The following ATG16L2 variants were observed in gnomAD, a reference collection of about 807,000 sequenced individuals.
ATG16L2 encodes autophagy related 16 like 2, also known as protein Atg16l2.
A neutral mutation model predicts 84.7 loss-of-function variants in ATG16L2; 77 were observed. The ratio of observed to expected loss-of-function variants is 0.91; its 90% CI spans 0.76 to 1.10. ATG16L2 has a LOEUF of 1.10. ATG16L2 is among the 50% of genes least tolerant of loss of function. ATG16L2 has a pLI of 0.00. For missense variants in ATG16L2, 782 were observed against 817.6 expected, an observed-to-expected ratio of 0.96 and a Z score of 0.53; for synonymous variants, 361 against 342.8, an observed-to-expected ratio of 1.05 and a Z score of -0.59.
downstream of ATG16L2, among the ~76,000 whole-genome samples, chr11:72,833,256 G>T (rs757182952): frequency 6.6e-6 from 1 of 152,220 alleles, no homozygotes; most frequent in Non-Finnish European, 1.5e-5. Flanking sequence ...ACCATCAGAC[G>T]TGGACCCATC....
chr11:72,823,244 G>A, intron 7 of ATG16L2: 2 of 390,704 alleles, frequency 5.1e-6, no homozygotes, highest in Non-Finnish European at 9.4e-6. Flanking sequence ...CTGTCACCAG[G>A]AGAGAACCTG....
intron 3 of ATG16L2, chr11:72,820,266 T>C (rs1859918260): frequency 6.6e-6 from 1 of 152,180 alleles, no homozygotes; most frequent in Non-Finnish European, 1.5e-5. Context: ...AGTGTGTATA[T>C]GTCCTTTGTC....
Position 72,843,170 on chromosome 11 carries a change from G to A in ATG16L2, c.*575G>A, listed in dbSNP as rs563621415. ...CTTTACCACTGGCATCTCCGTTGAG[G>A]CTGCCTGAAACGAGTTCTGCTTCCG... On this transcript the variant is annotated 3_prime_UTR_variant, in exon 6 of 6. Transcript: ENST00000534905. 2.0e-5 allele frequency: 33 copies of A among 1,613,882 alleles called. No individual in the cohort carries two copies. In the South Asian group the frequency reaches 3.6e-4, roughly 18 times the overall value.
chr11:72,815,592 C>A (rs1859660378), intron 1 of ATG16L2, among the ~76,000 whole-genome samples: 1 of 151,192 alleles, frequency 6.6e-6, no homozygotes, highest in Admixed American at 6.6e-5. Context: ...AAGGGCCAGT[C>A]TTGAAACCTT....
intron 9 of ATG16L2, among the ~76,000 whole-genome samples, chr11:72,825,063 G>C (rs1418164043): frequency 6.6e-6 from 1 of 152,162 alleles, no homozygotes; most frequent in East Asian, 1.9e-4. Flanking sequence ...TGGGAGGCCA[G>C]GAGGCCAGGC....
At chr11:72,814,836 G>GTT (rs1859611510) in intron 1 of ATG16L2, among the ~76,000 whole-genome samples, 1 of 152,204 alleles carries the variant, frequency 6.6e-6, no homozygotes, top group African/African-American at 2.4e-5. Flanking sequence ...AGACGCAAGT[G>GTT]CGTCCTCGGG....
intron 7 of ATG16L2, chr11:72,823,749 G>T (rs965330916): frequency 4.0e-6 from 2 of 505,890 alleles, no homozygotes; most frequent in African/African-American, 1.9e-5. Flanking sequence ...AACCTTCAGC[G>T]TCTCTCCTCC....
intron 5 of ATG16L2, among the ~76,000 whole-genome samples, chr11:72,842,249 AG>A (rs1860979901): frequency 1.3e-5 from 2 of 152,348 alleles, no homozygotes; most frequent in South Asian, 4.1e-4. Flanking sequence ...TCTGACAGTG[AG>A]GGAGAGAGAG....
At position 72,822,336 on chromosome 11, in the gene ATG16L2, C is replaced by T; in HGVS notation, c.644+41C>T. 1 of 1,537,214 alleles carries T rather than the reference C, an allele frequency of 6.5e-7. No homozygotes were observed. The highest frequency in any genetic ancestry group is 8.7e-7 in the Non-Finnish European group (1 of 1,144,706). The stretch of plus-strand genomic sequence containing the variant: ...CCGCCCCTCCTGAGGAAAGGCCCCG[C>T]CCCTGCAGGGAGGAGTCGGGCCTCG... On this transcript the variant is annotated intron_variant, in intron 5 of 17. Coordinates refer to ENST00000321297, the MANE Select transcript of ATG16L2 (RefSeq NM_033388.2). This position sits in a 1 kb window ranked among gnomAD's most constrained non-coding sequence, Gnocchi z 4.2.
chr11:72,819,936 G>A (rs1277477892), intron 3 of ATG16L2, among the ~76,000 whole-genome samples: 2 of 152,068 alleles, frequency 1.3e-5, no homozygotes, highest in East Asian at 1.9e-4. Context: ...TAGTAGAGAT[G>A]GGGTTTCACC....
At chr11:72,816,629 T>A in intron 1 of ATG16L2, 99 bp from the exon 2 acceptor site, 3 of 954,784 alleles carry the variant, frequency 3.1e-6, no homozygotes, top group Non-Finnish European at 4.9e-6. Context: ...CCCTAGCATC[T>A]CTGGGCTCCT....
chr11:72,828,138 C>T (rs186305267), intron 14 of ATG16L2, among the ~76,000 whole-genome samples: 12 of 148,662 alleles, frequency 8.1e-5, no homozygotes, highest in Admixed American at 1.4e-4. Context: ...TTCAAAGGCT[C>T]CAGCTTTCAA....
chr11:72,841,303 C>T (rs1860925732), intron 5 of ATG16L2: 7 of 796,444 alleles, frequency 8.8e-6, no homozygotes, highest in Admixed American at 3.1e-5. Context: ...TGAACTCCAG[C>T]CTGGGTGTCC....
At chr11:72,824,884 A>C in intron 9 of ATG16L2, 42 bp downstream of exon 9, 1 of 1,514,626 alleles carries the variant, frequency 6.6e-7, no homozygotes. Context: ...CAGTGGTGAG[A>C]GAGTGCAGGC....
At chr11:72,841,478 A>G (rs1032843545) in intron 5 of ATG16L2, 2 of 1,611,062 alleles carry the variant, frequency 1.2e-6, no homozygotes, top group Non-Finnish European at 8.5e-7. Context: ...GACCGGGGAA[A>G]GTACAGGGAG....
chr11:72,819,935 T>C lies in ATG16L2; in HGVS notation c.319-1733T>C, dbSNP rs887764063. ...TAATTTTTTGTATTTTTAGTAGAGA[T>C]GGGGTTTCACCATGTTAGCTAGGAT... On this transcript the variant is annotated intron_variant, in intron 3 of 17. Transcript: ENST00000321297. 1.0e-3 allele frequency among the ~76,000 whole-genome samples: 158 copies of C among 152,070 alleles called. 1 individual carries two copies. The highest frequency in any genetic ancestry group is 3.4e-3 in the Middle Eastern group (1 of 294).
downstream of ATG16L2, among the ~76,000 whole-genome samples, chr11:72,831,226 G>A (rs957592285): frequency 6.6e-6 from 1 of 152,250 alleles, no homozygotes; most frequent in South Asian, 2.1e-4. Context: ...TCTTATTCAG[G>A]CTGGATGCGG....
At chr11:72,827,057 G>A in intron 13 of ATG16L2, 131 bp from the exon 14 acceptor site, 1 of 852,710 alleles carries the variant, frequency 1.2e-6, no homozygotes, top group Non-Finnish European at 1.8e-6. Flanking sequence ...GCCCTGTGCT[G>A]GGAAGCGGAA....
chr11:72,843,334 T>C (rs1861022581), exon 6 of ATG16L2: 1 of 1,611,462 alleles, frequency 6.2e-7, no homozygotes, highest in African/African-American at 1.3e-5. Context: ...CGAGCCTGGG[T>C]AAAAGACATG....
Sources: allele counts gnomAD v4.1 joint callset (sites outside exome capture counted in the v4.1 genomes callset), GRCh38; gene constraint gnomAD v4.1.1; non-coding constraint Gnocchi (gnomAD v3.1); transcripts MANE v1.5; gene names NCBI Gene and HGNC (gene_info 2026-07-23, HGNC 2026-07-21).